GLIS3: variants seen among roughly 807,000 people sequenced by gnomAD.
GLIS3 encodes GLIS family zinc finger 3.
Under a neutral mutation model 78.6 loss-of-function variants are expected in GLIS3, and 53 were observed. The observed-to-expected ratio is 0.67, with a 90% CI of 0.54 to 0.85. The LOEUF is 0.85. Among genes scored for constraint, GLIS3 ranks in the 40% least tolerant of loss-of-function variants. The pLI, the probability that GLIS3 is intolerant of heterozygous loss-of-function variation, is 0.00. For missense variants in GLIS3, 1,703 were observed against 1,231.1 expected (o/e 1.38, Z -5.74); for synonymous variants, 684 against 509.9 (o/e 1.34, Z -4.60).
chr9:3,998,656 T>A (rs1470942971), intron 4 of GLIS3, among the ~76,000 whole-genome samples: 1 of 151,554 alleles, frequency 6.6e-6, no homozygotes, highest in Non-Finnish European at 1.5e-5. Context: ...GCTCTGTGGC[T>A]ATGTAATCTA....
intron 4 of GLIS3, among the ~76,000 whole-genome samples, chr9:4,063,768 G>T (rs990137852): frequency 2.6e-5 from 4 of 152,172 alleles, no homozygotes; most frequent in East Asian, 1.9e-4. Context: ...TGAGAGTTCA[G>T]TAGGTTGGTC....
chr9:4,252,781 TGC>T (rs2129892315), intron 2 of GLIS3, among the ~76,000 whole-genome samples: 1 of 152,304 alleles, frequency 6.6e-6, no homozygotes, highest in East Asian at 1.9e-4. Context: ...TGGTGACCTT[TGC>T]GTGGGGTTTT....
intron 2 of GLIS3, among the ~76,000 whole-genome samples, chr9:4,168,449 A>G (rs1458225619): frequency 6.6e-6 from 1 of 152,198 alleles, no homozygotes; most frequent in Non-Finnish European, 1.5e-5. Context: ...ATATGCAAAG[A>G]AATGTTCCCA....
At chr9:4,467,460 T>C in the GLIS3 span, among the ~76,000 whole-genome samples, 6 of 152,140 alleles carry the variant, frequency 3.9e-5, no homozygotes, top group Non-Finnish European at 8.8e-5. Flanking sequence ...GGCAACAACA[T>C]TTGCCATTCT....
upstream of GLIS3, among the ~76,000 whole-genome samples, chr9:4,300,830 A>C (rs1428117912): frequency 6.6e-6 from 1 of 151,978 alleles, no homozygotes; most frequent in African/African-American, 2.4e-5. Flanking sequence ...AAGGACTTCC[A>C]TCTTGGGAAT....
intron 2 of GLIS3, among the ~76,000 whole-genome samples, chr9:4,214,285 C>T (rs1820629078): frequency 6.6e-6 from 1 of 152,220 alleles, no homozygotes; most frequent in Non-Finnish European, 1.5e-5. Context: ...GACCCATATT[C>T]TGTTTCAAAG....
chr9:4,222,230 A>G (rs1027695089), intron 2 of GLIS3, among the ~76,000 whole-genome samples: 1 of 152,208 alleles, frequency 6.6e-6, no homozygotes, highest in Non-Finnish European at 1.5e-5. Flanking sequence ...CTTCTTCACT[A>G]AACACGGTAG....
chr9:3,987,840 A>G (rs144608620), intron 4 of GLIS3, among the ~76,000 whole-genome samples: 68 of 151,516 alleles, frequency 4.5e-4, no homozygotes, highest in Admixed American at 1.6e-3. Flanking sequence ...TCCAAACCAG[A>G]TAAACTCAGG....
the GLIS3 span, among the ~76,000 whole-genome samples, chr9:4,353,547 T>A: frequency 6.6e-6 from 1 of 152,106 alleles, no homozygotes; most frequent in African/African-American, 2.4e-5. Context: ...TGTGTACTTG[T>A]GTGTTGACAG....
At chr9:4,018,977 T>C (rs1020308558) in intron 4 of GLIS3, among the ~76,000 whole-genome samples, 1 of 152,164 alleles carries the variant, frequency 6.6e-6, no homozygotes, top group Non-Finnish European at 1.5e-5. Context: ...CGAAGTCCTA[T>C]TAAGGCATGA....
chr9:4,144,841 G>A (rs1340588965), intron 2 of GLIS3: 1 of 152,086 alleles, frequency 6.6e-6, no homozygotes, highest in Non-Finnish European at 1.5e-5. Context: ...AAACTTACCT[G>A]TATTATATTT....
chr9:3,900,598 A>G (rs1363793573), intron 6 of GLIS3, among the ~76,000 whole-genome samples: 3 of 152,230 alleles, frequency 2.0e-5, no homozygotes, highest in Non-Finnish European at 4.4e-5. Flanking sequence ...GGGCTAATCA[A>G]TGATTTTACC....
rs563920093 is a variant in GLIS3, at chr9:3,856,061, G to C, written c.2421C>G (p.Ser807=). 4.7e-5 allele frequency: 76 copies of C among 1,614,200 alleles called. No individual in the cohort carries two copies. The African/African-American group carries it at 8.8e-4, about 19-fold the overall frequency. ...TQQPSGSHLK[S]YQPETNSSFQ... is the part of the protein sequence containing the mutation. Reference sequence around the variant, plus strand: ...AAGAAGAGTTTGTTTCTGGCTGATAGGACTTCAGGTGTGAACCTGATGGCT... The same window carrying C: ...AAGAAGAGTTTGTTTCTGGCTGATACGACTTCAGGTGTGAACCTGATGGCT... The change falls in exon 9 of 11, where the codon TCC becomes TCG. Residue 807 remains serine, a synonymous_variant. Coordinates refer to ENST00000381971, the MANE Select transcript of GLIS3 (RefSeq NM_001042413.2).
At chr9:4,181,303 G>A (rs1397401377) in intron 2 of GLIS3, among the ~76,000 whole-genome samples, 4 of 152,168 alleles carry the variant, frequency 2.6e-5, no homozygotes, top group Non-Finnish European at 4.4e-5. Flanking sequence ...CTGGTCTTCC[G>A]TCGTTCACAG....
At chr9:4,254,277 A>C (rs1824697590) in intron 2 of GLIS3, among the ~76,000 whole-genome samples, 2 of 152,246 alleles carry the variant, frequency 1.3e-5, no homozygotes, top group African/African-American at 4.8e-5. Flanking sequence ...TCCATTCATG[A>C]TATCAACAAC....
Position 3,829,472 on chromosome 9 carries a change from T to G in GLIS3, c.2494A>C (p.Lys832Gln), listed in dbSNP as rs779354091. Residue 832 changes from lysine to glutamine, a missense_variant, in exon 10 of 11, where the codon AAG (lysine) becomes CAG (glutamine). Transcript: ENST00000381971. Reference protein sequence around the residue: ...HVHGFYGQLQKFCPPHYPDSQ... With the variant: ...HVHGFYGQLQQFCPPHYPDSQ... ...TCGGGGTAGTGTGGGGGACAGAACT[T>G]CTGCAGCTGCCCATAAAATCCTGAA... is the stretch of plus-strand genomic sequence containing the variant. 6.2e-7 allele frequency: 1 copy of G among 1,614,042 alleles called. No individual in the cohort carries two copies.
rs748660259 is a variant in GLIS3, at chr9:4,118,116, C to A, written c.1362G>T (p.Pro454=). 1 of 1,394,694 alleles carries A rather than the reference C, an allele frequency of 7.2e-7. No homozygotes were observed. The highest frequency in any genetic ancestry group is 9.8e-7 in the Non-Finnish European group (1 of 1,022,848). The allele number at this position is 1,394,694 out of a possible 1,614,324, so 86.4% of individuals were successfully genotyped here. The change falls in exon 4 of 11, where the codon CCG becomes CCT. Residue 454 remains proline (P), a synonymous_variant. Transcript: ENST00000381971. The surrounding 1 kb of genome is among the most constrained non-coding windows in gnomAD (Gnocchi z 4.7). ...PPAPPLPPLP[P]PPGPPPPYHA... ...GGTAAGGGGGTGGGGGGCCTGGGGG[C>A]GGCGGCAGAGGAGGGAGCGGAGGCG... is the stretch of plus-strand genomic sequence containing the variant.
intron 4 of GLIS3, among the ~76,000 whole-genome samples, chr9:3,950,066 C>A (rs1816574279): frequency 6.6e-6 from 1 of 152,226 alleles, no homozygotes; most frequent in Non-Finnish European, 1.5e-5. Flanking sequence ...ATTCACCCAG[C>A]AGCGCAGCCC....
At chr9:4,028,388 A>T (rs1823528198) in intron 4 of GLIS3, among the ~76,000 whole-genome samples, 1 of 152,206 alleles carries the variant, frequency 6.6e-6, no homozygotes, top group South Asian at 2.1e-4. Flanking sequence ...CTTGGGACCA[A>T]AGGATTTCCC....
Sources: gnomAD v4.1 joint callset for allele counts (sites outside exome capture counted in the v4.1 genomes callset) on GRCh38, gnomAD v4.1.1 for gene constraint, Gnocchi (gnomAD v3.1) non-coding constraint, MANE v1.5 for transcripts, NCBI Gene and HGNC (gene_info 2026-07-23, HGNC 2026-07-21) for gene names.